Variants in SCNN1D observed in about 807,000 individuals in gnomAD.
The protein encoded by SCNN1D is epithelial sodium channel subunit delta.
In SCNN1D, 104 loss-of-function variants were observed where a neutral mutation model predicts 87.8. That is an observed-to-expected ratio of 1.18 (90% CI 1.01 to 1.39). The LOEUF (loss-of-function observed/expected upper bound fraction) is 1.39, where lower values mean the gene tolerates loss of function less well. SCNN1D is among the 40% of genes most tolerant of loss of function. The pLI is 0.00. For synonymous variants in SCNN1D, 628 were observed against 481.2 expected (o/e 1.31, Z -3.99); for missense variants, 1,324 against 1,093.9 (o/e 1.21, Z -2.97).
At position 1,290,989 on chromosome 1, in the gene SCNN1D, G is replaced by T. The variant is rs112585223; in HGVS notation, c.1976+36G>T. Reference sequence around the variant, plus strand: ...CCTCCCCCTCCAGAGAGGCATCACAGCCCCTCTCCCCTCAAAGCCCCCCTC... The same window carrying T: ...CCTCCCCCTCCAGAGAGGCATCACATCCCCTCTCCCCTCAAAGCCCCCCTC... On this transcript the variant is annotated intron_variant, in intron 16 of 17. Transcript: ENST00000379116. 1.9e-6 allele frequency: 3 copies of T among 1,592,788 alleles called. No individual in the cohort carries two copies. In the Admixed American group the frequency reaches 5.2e-5, roughly 28 times the overall value.
In SCNN1D at chr1:1,281,242, A is replaced by T. The variant is rs976310438; in HGVS notation, c.22A>T (p.Lys8Ter). The T allele has an allele frequency of 8.5e-6, 13 of 1,535,650 alleles. No individual in the cohort carries two copies. In the African/African-American group the frequency reaches 1.5e-4, roughly 18 times the overall value. MRAVLSQ[K>*]TTPLPRYLWP... ...CATCTCCAGGGCAGTGCTGTCACAG[A>T]AGACAACACCGCTCCCTCGTTACCT... The change falls in exon 2 of 18, where the codon AAG becomes TAG. Residue 8 changes from lysine to a stop codon, truncating the protein, a stop_gained. Transcript: ENST00000379116. LOFTEE classifies it high-confidence loss of function.
In SCNN1D at chr1:1,286,815, G is replaced by T. The variant is rs766509295; in HGVS notation, c.959G>T (p.Arg320Met). ...CTGGAGCTGCTGGACGAGTTTGCCA[G>T]GGAGAACATTGACTCCCTGTACAAC... ...RHLELLDEFA[R>M]ENIDSLYNVN... The change falls in exon 8 of 18, where the codon AGG becomes ATG. Residue 320 changes from arginine to methionine, a missense_variant. By Grantham distance (91) the Arg-to-Met change is moderately conservative (BLOSUM62 -1). Coordinates refer to ENST00000379116, the MANE Select transcript of SCNN1D (RefSeq NM_001130413.4). 9 of 1,612,578 alleles carry T rather than the reference G, an allele frequency of 5.6e-6. No homozygotes were observed. In the Admixed American group the frequency reaches 8.3e-5, roughly 15 times the overall value.
Position 1,285,940 on chromosome 1 carries a change from G to T in SCNN1D, c.573G>T (p.Thr191=). ...TCTGCACACAGGCTGCAGCCCAGAC[G>T]CCCCCCAGGCCGGGGCCACCATCAG... The part of the protein sequence containing the change: ...ACKQGQAAAQ[T]PPRPGPPSAP... The change falls in exon 7 of 18, where the codon ACG becomes ACT. Residue 191 remains threonine (T), a synonymous_variant. Transcript: ENST00000379116. 3 of 1,548,156 alleles carry T rather than the reference G, an allele frequency of 1.9e-6. No homozygotes were observed. The highest frequency in any genetic ancestry group is 2.6e-6 in the Non-Finnish European group (3 of 1,144,606).
At position 1,290,936 on chromosome 1, in the gene SCNN1D, T is replaced by G; in HGVS notation, c.1959T>G (p.His653Gln). Residue 653 changes from histidine (H) to glutamine (Q), a missense_variant, in exon 16 of 18, where the codon CAT (histidine) becomes CAG (glutamine). Transcript: ENST00000379116. ...LATLGEQGLPHQSHRQRSSLA... is the reference protein window; with the variant it reads ...LATLGEQGLPQQSHRQRSSLA... ...CGCTAGGTGAACAGGGGCTGCCGCA[T>G]CAGAGCCACAGACAGAGGTGGGTGC... 6.2e-7 allele frequency: 1 copy of G among 1,610,012 alleles called. No individual in the cohort carries two copies. Among genetic ancestry groups the G allele is most frequent in the Non-Finnish European group, 8.5e-7 (1 of 1,178,812 alleles).
chr1:1,290,960 G>C lies in SCNN1D; in HGVS notation c.1976+7G>C. On this transcript the variant is annotated splice_region_variant and intron_variant, in intron 16 of 17. Coordinates refer to ENST00000379116, the MANE Select transcript of SCNN1D (RefSeq NM_001130413.4). ...ATCAGAGCCACAGACAGAGGTGGGT[G>C]CACCCTCCCCCTCCAGAGAGGCATC... is the stretch of plus-strand genomic sequence containing the variant. 6.2e-7 allele frequency: 1 copy of C among 1,605,314 alleles called. No homozygotes were observed. The highest frequency in any genetic ancestry group is 1.7e-4 in the Middle Eastern group (1 of 5,990).
chr1:1,285,925 G>A lies in SCNN1D; in HGVS notation c.559-1G>A, dbSNP rs1250241107. 2.6e-6 allele frequency: 4 copies of A among 1,544,284 alleles called. No individual in the cohort carries two copies. Among genetic ancestry groups the A allele is most frequent in the Non-Finnish European group, 3.5e-6 (4 of 1,143,578 alleles). On this transcript the variant is annotated splice_acceptor_variant, in intron 6 of 17. Coordinates refer to ENST00000379116, the MANE Select transcript of SCNN1D (RefSeq NM_001130413.4). LOFTEE classifies it high-confidence loss of function. Reference sequence around the variant, plus strand: ...CCCTGCTGAGGCCACTCTGCACACAGGCTGCAGCCCAGACGCCCCCCAGGC... The same window carrying A: ...CCCTGCTGAGGCCACTCTGCACACAAGCTGCAGCCCAGACGCCCCCCAGGC...
chr1:1,290,682 C>T lies in SCNN1D; in HGVS notation c.1905C>T (p.Ser635=), dbSNP rs149311292. Residue 635 remains serine, a synonymous_variant, in exon 15 of 18, where the codon TCC becomes TCT. Coordinates refer to ENST00000379116, the MANE Select transcript of SCNN1D (RefSeq NM_001130413.4). The part of the protein sequence containing the change: ...KLSTGTSRWP[S]AKSAGWTLAT... ...CCACTGGGACCTCCAGGTGGCCTTC[C>T]GCCAAGTCAGCTGTGAGTCCCCAAA... The T allele has an allele frequency of 8.1e-5, 130 of 1,612,484 alleles. No homozygotes were observed. The highest frequency in any genetic ancestry group is 1.0e-4 in the Admixed American group (6 of 59,998).
At chr1:1,281,191 G>C (rs771718987) in intron 1 of SCNN1D, 35 bp from the exon 2 acceptor site, 2 of 1,528,160 alleles carry the variant, frequency 1.3e-6, no homozygotes, top group South Asian at 2.4e-5. Flanking sequence ...GTCCTGGCTG[G>C]GGTCCCACAG....
chr1:1,291,639 T>G lies in SCNN1D; in HGVS notation c.*29T>G. 9.6e-6 allele frequency: 14 copies of G among 1,456,794 alleles called. No individual in the cohort carries two copies. The highest frequency in any genetic ancestry group is 1.3e-5 in the Non-Finnish European group (14 of 1,087,562). 90.2% of individuals were successfully genotyped at this position (1,456,794 alleles called of 1,614,324 possible). On this transcript the variant is annotated 3_prime_UTR_variant, in exon 18 of 18. Coordinates refer to ENST00000379116, the MANE Select transcript of SCNN1D (RefSeq NM_001130413.4). ...AGACCTGCCAGGGCTGTGCGATCTC[T>G]TGGCCTGGTCCTTGCAGCTGTGGCA...
At chr1:1,284,641 CA>C (rs1382418916) in intron 5 of SCNN1D, among the ~76,000 whole-genome samples, 1 of 150,184 alleles carries the variant, frequency 6.7e-6, no homozygotes, top group African/African-American at 2.5e-5. Context: ...TGGGGGTGCA[CA>C]GTGTGTGCTG....
rs758571851 is a variant in SCNN1D at position 1,290,890 on chromosome 1, T to G, written c.1918-5T>G. The G allele has an allele frequency of 6.2e-7, 1 of 1,610,066 alleles. No individual in the cohort carries two copies. The highest frequency in any genetic ancestry group is 1.1e-5 in the South Asian group (1 of 90,674). On this transcript the variant is annotated splice_region_variant and splice_polypyrimidine_tract_variant and intron_variant, in intron 15 of 17. Transcript: ENST00000379116. ...CCGTGGCCACAGCAAACCTTCCGTC[T>G]GCAGGGATGGACTCTGGCCACGCTA... is the stretch of plus-strand genomic sequence containing the variant.
At chr1:1,281,675 T>C in intron 3 of SCNN1D, 65 bp downstream of exon 3, 5 of 1,424,172 alleles carry the variant, frequency 3.5e-6, no homozygotes, top group Non-Finnish European at 4.7e-6. Flanking sequence ...AGCCGGGAGC[T>C]GCGTGATCCA....
rs768570855 is a variant in SCNN1D at position 1,291,239 on chromosome 1, G to A, written c.2053-15G>A. On this transcript the variant is annotated splice_polypyrimidine_tract_variant and intron_variant, in intron 17 of 17. Transcript: ENST00000379116. ...GGGCCTGGGCCCGCCCCTCACACCC[G>A]CACCCCACCCGCAGGTGCCGCAGCT... 9.6e-5 allele frequency: 149 copies of A among 1,560,000 alleles called. No individual in the cohort carries two copies. The highest frequency in any genetic ancestry group is 2.7e-4 in the South Asian group (23 of 85,556).
intron 4 of SCNN1D, among the ~76,000 whole-genome samples, chr1:1,282,707 G>A (rs532755796): frequency 6.6e-6 from 1 of 152,046 alleles, no homozygotes; most frequent in Non-Finnish European, 1.5e-5. Flanking sequence ...ATTAGCATAC[G>A]TGTGTGGTCT....
intron 3 of SCNN1D, 179 bp downstream of exon 3, chr1:1,281,789 G>T (rs1167011019): frequency 6.5e-6 from 4 of 620,056 alleles, no homozygotes; most frequent in Non-Finnish European, 1.1e-5. Context: ...CGGGGGCCTT[G>T]CTCCTGCAAG....
rs112572774 is a variant in SCNN1D, at chr1:1,288,246, T to C, written c.1662+209T>C. Among the ~76,000 whole-genome samples, 4,337 of 110,102 alleles carry C rather than the reference T, an allele frequency of 0.039. 246 individuals are homozygous for C. In the East Asian group the frequency reaches 0.42, roughly 11 times the overall value. 72.2% of individuals were successfully genotyped at this position (110,102 alleles called of 152,430 possible). A position where few individuals can be genotyped will look rare whatever the true frequency, so the allele number is the denominator to read the frequency against. ...CCGTGTCTCTGCTCCGTCCCGTGTC[T>C]CTGCTCCGTCCCGTGTCTCTGCTCC... On this transcript the variant is annotated intron_variant, in intron 12 of 17. Coordinates refer to ENST00000379116, the MANE Select transcript of SCNN1D (RefSeq NM_001130413.4).
In SCNN1D at chr1:1,287,125, G is replaced by A. The variant is rs148066099; in HGVS notation, c.1136G>A (p.Gly379Asp). ...CTCTCCCAGTGCAACAGCACGGGCG[G>A]CGACTGCTTTTACCGAGGCTACACG... is the stretch of plus-strand genomic sequence containing the variant. ...VGFRLCNSTGGDCFYRGYTSG... is the reference protein window; with the variant it reads ...VGFRLCNSTGDDCFYRGYTSG... The change falls in exon 9 of 18, where the codon GGC becomes GAC. Residue 379 changes from glycine (G) to aspartate (D), a missense_variant. Coordinates refer to ENST00000379116, the MANE Select transcript of SCNN1D (RefSeq NM_001130413.4). The A allele has an allele frequency of 2.2e-5, 35 of 1,597,262 alleles. No individual in the cohort carries two copies. The highest frequency in any genetic ancestry group is 2.7e-5 in the Non-Finnish European group (31 of 1,168,348).
rs1026494787 is a variant in SCNN1D at position 1,281,211 on chromosome 1, G to A, written c.6-15G>A. Reference sequence around the variant, plus strand: ...GGCTGGGGTCCCACAGATGCCAGGCGCCTGCCATCTCCAGGGCAGTGCTGT... The same window carrying A: ...GGCTGGGGTCCCACAGATGCCAGGCACCTGCCATCTCCAGGGCAGTGCTGT... On this transcript the variant is annotated splice_polypyrimidine_tract_variant and intron_variant, in intron 1 of 17. Transcript: ENST00000379116. The A allele has an allele frequency of 2.6e-5, 40 of 1,534,350 alleles. No individual in the cohort carries two copies. The highest frequency in any genetic ancestry group is 4.9e-5 in the East Asian group (2 of 40,928).
rs1315984875 is a variant in SCNN1D at position 1,285,774 on chromosome 1, A to G, written c.558+110A>G. The G allele has an allele frequency of 2.4e-5, 29 of 1,201,128 alleles. No individual in the cohort carries two copies. In the Admixed American group the frequency reaches 7.0e-4, roughly 29 times the overall value. 74.4% of individuals were successfully genotyped at this position (1,201,128 alleles called of 1,614,324 possible). ...GTCAGGGACGGGTGTATCCGGGGAG[A>G]AGGGCGCAGTGTCAGAGCACCCTGG... On this transcript the variant is annotated intron_variant, in intron 6 of 17. Transcript: ENST00000379116.
Sources: allele counts gnomAD v4.1 joint callset (sites outside exome capture counted in the v4.1 genomes callset), GRCh38; gene constraint gnomAD v4.1.1; transcripts MANE v1.5; gene names NCBI Gene and HGNC (gene_info 2026-07-23, HGNC 2026-07-21).